HIVEP2: variants seen among roughly 807,000 people sequenced by gnomAD.
HIVEP2 encodes transcription factor HIVEP2.
Under a neutral mutation model 180.7 loss-of-function variants are expected in HIVEP2, and 14 were observed. The ratio of observed to expected loss-of-function variants is 0.08; its 90% CI spans 0.05 to 0.12. HIVEP2 has a LOEUF of 0.12. Ranked by LOEUF, HIVEP2 falls within the 10% of genes least tolerant of loss-of-function variation. HIVEP2 has a pLI of 1.00. For synonymous variants in HIVEP2, 1,184 were observed against 1,136.4 expected, an observed-to-expected ratio of 1.04 and a Z score of -0.84; for missense variants, 2,579 against 3,008.5, an observed-to-expected ratio of 0.86 and a Z score of 3.34.
chr6:142,804,230 T>C (rs1301285614), intron 2 of HIVEP2, among the ~76,000 whole-genome samples: 3 of 152,162 alleles, frequency 2.0e-5, no homozygotes, highest in African/African-American at 7.2e-5. Context: ...ATACTATACG[T>C]AGTTGTGGCC....
rs753421543 is a variant in HIVEP2, at chr6:142,771,105, T to C, written c.3634A>G (p.Thr1212Ala). 14 of 1,614,046 alleles carry C rather than the reference T, an allele frequency of 8.7e-6. No homozygotes were observed. In the African/African-American group the frequency reaches 1.3e-4, roughly 15 times the overall value. ...GCTGGTAAATGAACCATACAAACTG[T>C]AGGATACTGAAACTGAAACAAGGCA... ...QNALFQFQYP[T>A]VCMVHLPAQQ... Residue 1212 changes from threonine (T) to alanine (A), a missense_variant, in exon 5 of 10, where the codon ACA becomes GCA. Transcript: ENST00000367603. This position sits in a 1 kb window ranked among gnomAD's most constrained non-coding sequence, Gnocchi z 5.4.
At chr6:142,928,064 A>G (rs1256671759) in intron 1 of HIVEP2, among the ~76,000 whole-genome samples, 2 of 152,226 alleles carry the variant, frequency 1.3e-5, no homozygotes, top group African/African-American at 4.8e-5. Context: ...AATTAAAACA[A>G]TGTAAACTAT....
At chr6:142,803,604 A>G (rs1776471886) in intron 2 of HIVEP2, among the ~76,000 whole-genome samples, 1 of 75,372 alleles carries the variant, frequency 1.3e-5, no homozygotes, top group South Asian at 5.0e-4. Flanking sequence ...CACAAAACTC[A>G]GGACACAAAG....
intron 3 of HIVEP2, among the ~76,000 whole-genome samples, chr6:142,782,311 A>T (rs1441597019): frequency 1.3e-5 from 2 of 152,178 alleles, no homozygotes; most frequent in Non-Finnish European, 2.9e-5. Context: ...TAAAATCTTT[A>T]AAAAATACAT....
At chr6:142,851,281 T>C (rs1357737097) in intron 1 of HIVEP2, among the ~76,000 whole-genome samples, 1 of 152,172 alleles carries the variant, frequency 6.6e-6, no homozygotes, top group Non-Finnish European at 1.5e-5. Context: ...TTGAGGCTCT[T>C]TTATATACAG....
At chr6:142,923,795 G>A (rs1467306609) in intron 1 of HIVEP2, among the ~76,000 whole-genome samples, 2 of 152,168 alleles carry the variant, frequency 1.3e-5, no homozygotes, top group East Asian at 3.8e-4. Context: ...CACAGTACCA[G>A]GCAGGAGGTA....
chr6:142,935,058 C>T (rs1218981487), intron 1 of HIVEP2, among the ~76,000 whole-genome samples: 2 of 152,178 alleles, frequency 1.3e-5, no homozygotes, highest in Non-Finnish European at 2.9e-5. Flanking sequence ...CTATAAGCTC[C>T]CCTATCCAAC....
chr6:142,885,303 G>A (rs1336473714), intron 1 of HIVEP2, among the ~76,000 whole-genome samples: 2 of 151,892 alleles, frequency 1.3e-5, no homozygotes, highest in African/African-American at 4.8e-5. Flanking sequence ...TTCACAAAAG[G>A]AATTCCCCCT....
At chr6:142,876,511 C>T (rs1410360461) in intron 1 of HIVEP2, among the ~76,000 whole-genome samples, 2 of 152,004 alleles carry the variant, frequency 1.3e-5, no homozygotes, top group African/African-American at 4.8e-5. Flanking sequence ...GTGATGAGAG[C>T]CTGCATTAGT....
chr6:142,800,309 A>G (rs1471893459), intron 2 of HIVEP2, among the ~76,000 whole-genome samples: 1 of 152,138 alleles, frequency 6.6e-6, no homozygotes, highest in East Asian at 1.9e-4. Context: ...ACACTTACTA[A>G]GCACCTCTGC....
chr6:142,892,980 G>T (rs1776896934), intron 1 of HIVEP2, among the ~76,000 whole-genome samples: 1 of 152,162 alleles, frequency 6.6e-6, no homozygotes, highest in African/African-American at 2.4e-5. Context: ...CATGACGGAT[G>T]GGTGCAAGCC....
intron 1 of HIVEP2, among the ~76,000 whole-genome samples, chr6:142,860,528 G>A (rs897570291): frequency 5.3e-5 from 8 of 152,126 alleles, no homozygotes; most frequent in Non-Finnish European, 1.2e-4. Context: ...ATCTGTGGGA[G>A]CCCTGAGCTT....
intron 1 of HIVEP2, among the ~76,000 whole-genome samples, chr6:142,865,611 A>G (rs1776118990): frequency 6.6e-6 from 1 of 152,174 alleles, no homozygotes. Context: ...ATAAATTATA[A>G]TGACATTTTA....
intron 2 of HIVEP2, among the ~76,000 whole-genome samples, chr6:142,809,720 A>G: frequency 6.6e-6 from 1 of 151,922 alleles, no homozygotes; most frequent in East Asian, 1.9e-4. Context: ...CAGCCTCCCA[A>G]GTATCTGGGA....
At chr6:142,841,142 T>C (rs1473966315) in intron 1 of HIVEP2, among the ~76,000 whole-genome samples, 1 of 152,146 alleles carries the variant, frequency 6.6e-6, no homozygotes, top group African/African-American at 2.4e-5. Flanking sequence ...CATTTTTTCC[T>C]GTAAATTTGT....
At chr6:142,874,333 A>AT (rs913298755) in intron 1 of HIVEP2, among the ~76,000 whole-genome samples, 46 of 151,712 alleles carry the variant, frequency 3.0e-4, no homozygotes, top group African/African-American at 9.0e-4. Flanking sequence ...CCATTTTTAG[A>AT]TTTTTTTTTC....
intron 2 of HIVEP2, among the ~76,000 whole-genome samples, chr6:142,784,730 G>A (rs79103095): frequency 2.8e-4 from 42 of 152,096 alleles, no homozygotes; most frequent in East Asian, 1.2e-3. Context: ...CAAATCAACC[G>A]TTTGCTGGCA....
At chr6:142,805,235 T>C (rs1025881441) in intron 2 of HIVEP2, among the ~76,000 whole-genome samples, 1 of 152,104 alleles carries the variant, frequency 6.6e-6, no homozygotes, top group Non-Finnish European at 1.5e-5. Flanking sequence ...GCCTGGTATG[T>C]GACCCTGGCC....
chr6:142,934,738 C>T (rs1778014383), intron 1 of HIVEP2, among the ~76,000 whole-genome samples: 1 of 152,210 alleles, frequency 6.6e-6, no homozygotes, highest in Admixed American at 6.5e-5. Context: ...TCAAGACCAT[C>T]CCAAGGGACA....
Sources: allele counts gnomAD v4.1 joint callset (sites outside exome capture counted in the v4.1 genomes callset), GRCh38; gene constraint gnomAD v4.1.1; non-coding constraint Gnocchi (gnomAD v3.1); transcripts MANE v1.5; gene names NCBI Gene and HGNC (gene_info 2026-07-23, HGNC 2026-07-21).